The following POLQ variants were observed in gnomAD, a reference collection of about 807,000 sequenced individuals.
The protein encoded by POLQ is epididymis secretory sperm binding protein.
A neutral mutation model predicts 259.2 loss-of-function variants in POLQ; 233 were observed. That is an observed-to-expected ratio of 0.90 (90% confidence interval 0.81 to 1.00). The LOEUF (loss-of-function observed/expected upper bound fraction) is 1.00. POLQ is among the 50% of genes least tolerant of loss of function. The probability of loss-of-function intolerance (pLI) is 0.00; values close to 1 mark genes in which losing one functional copy is unlikely to be tolerated. For synonymous variants in POLQ, 1,025 were observed against 1,048.8 expected (o/e 0.98, Z 0.44); for missense variants, 2,871 against 3,051.6 (o/e 0.94, Z 1.39).
intron 2 of POLQ, among the ~76,000 whole-genome samples, chr3:121,542,012 T>C (rs991766415): frequency 2.0e-5 from 3 of 151,742 alleles, no homozygotes; most frequent in Non-Finnish European, 4.4e-5. Context: ...GGCGGGCACC[T>C]GTAATCCCAG....
chr3:121,522,290 T>TTTTC (rs2048342753), intron 7 of POLQ, 141 bp from the exon 8 acceptor site: 1 of 150,042 alleles, frequency 6.7e-6, no homozygotes, highest in Non-Finnish European at 1.0e-5. Flanking sequence ...AGATCTTTTT[T>TTTTC]TTTTTTTTTT....
rs567586244 is a variant in POLQ, at chr3:121,453,855, C to A, written c.7153-4429G>T. ...TCCCCAATCTAGCAAGGCAGGCCAA[C>A]ATTCACATTCAGGAAATCCAGAGAA... On this transcript the variant is annotated intron_variant, in intron 25 of 29. Coordinates refer to ENST00000264233, the MANE Select transcript of POLQ (RefSeq NM_199420.4). Among the ~76,000 whole-genome samples, 6 of 152,328 alleles carry A rather than the reference C, an allele frequency of 3.9e-5. No individual in the cohort carries two copies. In the South Asian group the frequency reaches 1.2e-3, roughly 32 times the overall value.
intron 25 of POLQ, among the ~76,000 whole-genome samples, chr3:121,456,389 C>T (rs526550): frequency 0.79 from 119,443 of 151,352 alleles, 47,272 homozygotes; most frequent in East Asian, 0.89. Context: ...CCAGGGCAAT[C>T]AGGCAGGAGA....
intron 20 of POLQ, among the ~76,000 whole-genome samples, chr3:121,475,082 C>T (rs1370013201): frequency 6.6e-6 from 1 of 152,096 alleles, no homozygotes; most frequent in East Asian, 1.9e-4. Context: ...CTGTAGTCAC[C>T]CTTGTGTACA....
intron 11 of POLQ, 31 bp from the exon 12 acceptor site, chr3:121,509,734 G>T: frequency 6.3e-7 from 1 of 1,581,144 alleles, no homozygotes; most frequent in Non-Finnish European, 8.6e-7. Flanking sequence ...GGAAACAGAG[G>T]AACAAACATT....
In POLQ at chr3:121,490,345, G is replaced by C; in HGVS notation, c.2586C>G (p.Ile862Met). 3 of 1,614,234 alleles carry C rather than the reference G, an allele frequency of 1.9e-6. No individual in the cohort carries two copies. Among genetic ancestry groups the C allele is most frequent in the Admixed American group, 3.3e-5 (2 of 60,030 alleles). ...TTAAACCTTTTCTGCCAGTCACCCAGATAGTTCGCATATTGCGACGTTCTT... is the reference window on the plus strand; with the variant it reads ...TTAAACCTTTTCTGCCAGTCACCCACATAGTTCGCATATTGCGACGTTCTT... The part of the protein sequence containing the change: ...AVEERRNMRT[I>M]WVTGRKGLTE... The change falls in exon 16 of 30, where the codon ATC becomes ATG. Residue 862 changes from isoleucine (I) to methionine (M), a missense_variant. Coordinates refer to ENST00000264233, the MANE Select transcript of POLQ (RefSeq NM_199420.4).
intron 14 of POLQ, chr3:121,494,406 A>G (rs539018470): frequency 6.4e-7 from 1 of 1,550,872 alleles, no homozygotes; most frequent in African/African-American, 1.4e-5. Context: ...AAGCTGGCCC[A>G]CAAGTACAGA....
At chr3:121,434,031 C>T (rs1427347114) in intron 28 of POLQ, among the ~76,000 whole-genome samples, 5 of 152,228 alleles carry the variant, frequency 3.3e-5, no homozygotes, top group Non-Finnish European at 7.3e-5. Context: ...CCTCTGTTCA[C>T]CTGTTCAGCT....
At chr3:121,475,865 T>C (rs1158567277) in intron 20 of POLQ, among the ~76,000 whole-genome samples, 2 of 152,146 alleles carry the variant, frequency 1.3e-5, no homozygotes, top group African/African-American at 4.8e-5. Flanking sequence ...AGAGATTCTA[T>C]ATTTTCTATA....
intron 19 of POLQ, among the ~76,000 whole-genome samples, chr3:121,478,292 G>A (rs1018311447): frequency 1.3e-5 from 2 of 151,880 alleles, no homozygotes; most frequent in Non-Finnish European, 2.9e-5. Context: ...AGTCCTGCAG[G>A]GATCCTTGAT....
At chr3:121,506,331 A>T (rs983580123) in intron 12 of POLQ, among the ~76,000 whole-genome samples, 13 of 152,180 alleles carry the variant, frequency 8.5e-5, no homozygotes, top group Non-Finnish European at 1.8e-4. Context: ...AATGAGCAAA[A>T]GACATGGACA....
chr3:121,461,846 T>C (rs2047794558), intron 24 of POLQ, among the ~76,000 whole-genome samples: 1 of 152,236 alleles, frequency 6.6e-6, no homozygotes, highest in Admixed American at 6.5e-5. Flanking sequence ...TTGGGAAGGA[T>C]AGTGTAGATG....
Position 121,520,102 on chromosome 3 carries a change from T to C in POLQ, c.1256-19A>G. 6.9e-7 allele frequency: 1 copy of C among 1,458,652 alleles called. No homozygotes were observed. The highest frequency in any genetic ancestry group is 9.6e-7 in the Non-Finnish European group (1 of 1,042,814). 90.4% of individuals were successfully genotyped at this position (1,458,652 alleles called of 1,614,324 possible). On this transcript the variant is annotated intron_variant, in intron 8 of 29. Coordinates refer to ENST00000264233, the MANE Select transcript of POLQ (RefSeq NM_199420.4). ...GTAAGACCTAAAAAAAGGAGGTTTTTATATATTTATTGATATATAACGAAA... is the reference window on the plus strand; with the variant it reads ...GTAAGACCTAAAAAAAGGAGGTTTTCATATATTTATTGATATATAACGAAA...
intron 22 of POLQ, among the ~76,000 whole-genome samples, chr3:121,471,621 A>G (rs1470275317): frequency 2.0e-5 from 3 of 152,172 alleles, no homozygotes; most frequent in Non-Finnish European, 4.4e-5. Context: ...ATGCGCCTGT[A>G]ATCCCAGCTA....
chr3:121,451,238 C>T (rs144004433), intron 25 of POLQ, among the ~76,000 whole-genome samples: 80 of 152,288 alleles, frequency 5.3e-4, no homozygotes, highest in African/African-American at 1.8e-3. Flanking sequence ...TCCAAACTTC[C>T]TCCTTTAGCT....
intron 9 of POLQ, 116 bp downstream of exon 9, chr3:121,519,755 C>G (rs2048324847): frequency 1.4e-6 from 1 of 704,756 alleles, no homozygotes; most frequent in African/African-American, 1.8e-5. Context: ...GACACTAGTG[C>G]ATTGGATAAT....
At chr3:121,464,071 C>T (rs73193605) in intron 24 of POLQ, among the ~76,000 whole-genome samples, 5,497 of 152,108 alleles carry the variant, frequency 0.036, 150 homozygotes, top group Middle Eastern at 0.082. Flanking sequence ...AGAACATTTG[C>T]CAAGTATTCA....
chr3:121,529,537 G>T, intron 7 of POLQ, 108 bp downstream of exon 7: 2 of 1,000,858 alleles, frequency 2.0e-6, no homozygotes, highest in Non-Finnish European at 3.1e-6. Flanking sequence ...TAGTGGGCAG[G>T]CAGTGACAAT....
intron 14 of POLQ, among the ~76,000 whole-genome samples, chr3:121,496,424 C>G (rs944290559): frequency 6.6e-6 from 1 of 152,250 alleles, no homozygotes; most frequent in Admixed American, 6.5e-5. Context: ...ATCCACCCGA[C>G]TCGGCCTCCC....
Sources: gnomAD v4.1 joint callset for allele counts (sites outside exome capture counted in the v4.1 genomes callset) on GRCh38, gnomAD v4.1.1 for gene constraint, MANE v1.5 for transcripts, NCBI Gene and HGNC (gene_info 2026-07-23, HGNC 2026-07-21) for gene names.